TBCEL: variants seen among roughly 807,000 people sequenced by gnomAD.
TBCEL encodes tubulin-specific chaperone cofactor E-like protein.
Under a neutral mutation model 44.2 loss-of-function variants are expected in TBCEL, and 15 were observed. The ratio of observed to expected loss-of-function variants is 0.34; its 90% confidence interval spans 0.23 to 0.52. The LOEUF (loss-of-function observed/expected upper bound fraction) is 0.52. TBCEL is among the 20% of genes least tolerant of loss of function. The pLI is 0.95. For synonymous variants in TBCEL, 171 were observed against 185.4 expected (o/e 0.92, Z 0.63); for missense variants, 319 against 506.3 (o/e 0.63, Z 3.55).
At chr11:121,030,220 A>G (rs1477786264) in intron 1 of TBCEL, among the ~76,000 whole-genome samples, 2 of 152,198 alleles carry the variant, frequency 1.3e-5, no homozygotes, top group Non-Finnish European at 2.9e-5. Context: ...AAGTCTGAGA[A>G]ATAGAAAACC....
At chr11:121,060,123 G>C in intron 8 of TBCEL, 38 bp downstream of exon 8, 1 of 1,449,626 alleles carries the variant, frequency 6.9e-7, no homozygotes, top group Non-Finnish European at 9.7e-7. Context: ...TTTAGAGGGT[G>C]GTGATGCCAG....
At chr11:121,028,455 G>T (rs575502275) in intron 1 of TBCEL, among the ~76,000 whole-genome samples, 1 of 152,306 alleles carries the variant, frequency 6.6e-6, no homozygotes, top group South Asian at 2.1e-4. Flanking sequence ...CAGCAAACTG[G>T]TTTAATTTTA....
In TBCEL at chr11:121,042,058, G is replaced by A. The variant is rs112423465; in HGVS notation, c.-17-3616G>A. Among the ~76,000 whole-genome samples the A allele has an allele frequency of 1.6e-3, 240 of 151,990 alleles. 1 individual carries two copies. Among genetic ancestry groups the A allele is most frequent in the African/African-American group, 4.8e-3 (201 of 41,466 alleles). On this transcript the variant is annotated intron_variant, in intron 2 of 8. Coordinates refer to ENST00000683345, the MANE Select transcript of TBCEL (RefSeq NM_001363644.2). ...AATACGTCTTTCCTACCATCCCTTC[G>A]TTTCTCTGTATTTAAATTGTATATA...
intron 8 of TBCEL, among the ~76,000 whole-genome samples, chr11:121,062,859 A>C (rs1945749640): frequency 6.6e-6 from 1 of 152,178 alleles, no homozygotes; most frequent in Non-Finnish European, 1.5e-5. Flanking sequence ...TGTCATCTCT[A>C]GACACCACAT....
At position 121,025,383 on chromosome 11, in the gene TBCEL, C is replaced by G. The variant is rs528000158; in HGVS notation, c.-126+1092C>G. Among the ~76,000 whole-genome samples, 5 of 151,732 alleles carry G rather than the reference C, an allele frequency of 3.3e-5. No individual in the cohort carries two copies. In the South Asian group the frequency reaches 1.0e-3, roughly 32 times the overall value. ...CCTGAGATGCATTAGACCCAGATCT[C>G]TAGGGTGGTAGCTTTCAAACTTAAA... On this transcript the variant is annotated intron_variant, in intron 1 of 8. Transcript: ENST00000683345.
rs537921463 is a variant in TBCEL, at chr11:121,086,358, A to G, written c.957-420A>G. Reference sequence around the variant, plus strand: ...TTTGTTTATAAGTTATGGCTTCTCCAGGCCTCAGAAACTGCTGGCCTCCTT... The same window carrying G: ...TTTGTTTATAAGTTATGGCTTCTCCGGGCCTCAGAAACTGCTGGCCTCCTT... On this transcript the variant is annotated intron_variant, in intron 8 of 8. Coordinates refer to ENST00000683345, the MANE Select transcript of TBCEL (RefSeq NM_001363644.2). 2.6e-5 allele frequency among the ~76,000 whole-genome samples: 4 copies of G among 152,342 alleles called. No individual in the cohort carries two copies. The East Asian group carries it at 7.7e-4, about 29-fold the overall frequency.
At chr11:121,050,252 T>G (rs1945505719) in intron 4 of TBCEL, among the ~76,000 whole-genome samples, 2 of 151,762 alleles carry the variant, frequency 1.3e-5, no homozygotes, top group Non-Finnish European at 3.0e-5. Flanking sequence ...ATAACCCATA[T>G]ATCTGATTAC....
At chr11:121,069,668 TG>T in intron 8 of TBCEL, among the ~76,000 whole-genome samples, 1 of 152,200 alleles carries the variant, frequency 6.6e-6, no homozygotes, top group Non-Finnish European at 1.5e-5. Flanking sequence ...GGTGCATGCC[TG>T]TAGTCTCAGC....
chr11:121,084,739 A>C (rs1001601242), intron 8 of TBCEL, among the ~76,000 whole-genome samples: 2 of 152,000 alleles, frequency 1.3e-5, no homozygotes, highest in Non-Finnish European at 2.9e-5. Flanking sequence ...TTCAGTTCTT[A>C]TTTGACCACT....
intron 8 of TBCEL, among the ~76,000 whole-genome samples, chr11:121,082,157 C>A (rs1227424634): frequency 6.6e-6 from 1 of 152,200 alleles, no homozygotes; most frequent in Non-Finnish European, 1.5e-5. Context: ...TAAAGCAATG[C>A]CTACTTAGTA....
intron 1 of TBCEL, among the ~76,000 whole-genome samples, chr11:121,031,531 C>A (rs2134879782): frequency 6.6e-6 from 1 of 151,982 alleles, no homozygotes; most frequent in Middle Eastern, 3.4e-3. Context: ...AGGTTGTCTT[C>A]CTCCTTCTTA....
chr11:121,074,891 A>G (rs977952517), intron 8 of TBCEL, among the ~76,000 whole-genome samples: 9 of 151,994 alleles, frequency 5.9e-5, no homozygotes, highest in Admixed American at 5.9e-4. Context: ...TGCAAGAAAG[A>G]ATACAGCAAG....
intron 6 of TBCEL, 150 bp downstream of exon 6, chr11:121,055,458 T>G: frequency 1.3e-6 from 1 of 748,184 alleles, no homozygotes; most frequent in East Asian, 3.0e-5. Context: ...TTGGCTAAAT[T>G]TAAGAGATTC....
chr11:121,084,397 A>G (rs1467846229), intron 8 of TBCEL, among the ~76,000 whole-genome samples: 1 of 151,628 alleles, frequency 6.6e-6, no homozygotes, highest in Admixed American at 6.6e-5. Context: ...TAATTTCTAG[A>G]CTTTTGAGTT....
chr11:121,081,235 A>G (rs1411903976), intron 8 of TBCEL, among the ~76,000 whole-genome samples: 1 of 152,078 alleles, frequency 6.6e-6, no homozygotes, highest in Non-Finnish European at 1.5e-5. Flanking sequence ...GCTGGCCTTT[A>G]TGCTGTTTGT....
intron 8 of TBCEL, among the ~76,000 whole-genome samples, chr11:121,086,490 T>C (rs777662435): frequency 2.0e-5 from 3 of 152,176 alleles, no homozygotes; most frequent in Non-Finnish European, 4.4e-5. Context: ...TCTATTGTCT[T>C]TATAGTGTCT....
At chr11:121,070,705 G>T (rs1245360553) in intron 8 of TBCEL, among the ~76,000 whole-genome samples, 1 of 145,236 alleles carries the variant, frequency 6.9e-6, no homozygotes, top group Non-Finnish European at 1.5e-5. Context: ...GCCTGTTGTG[G>T]GATTCGGGGA....
In TBCEL at chr11:121,089,615, G is replaced by C. The variant is rs1413507702; in HGVS notation, c.*2519G>C. ...TAAAATTGGTGCTGTGTAGACACTT[G>C]TAACCAAAATTATTTTTATAACAGA... On this transcript the variant is annotated 3_prime_UTR_variant, in exon 9 of 9. Coordinates refer to ENST00000683345, the MANE Select transcript of TBCEL (RefSeq NM_001363644.2). 6.6e-6 allele frequency: 1 copy of C among 152,168 alleles called. No individual in the cohort carries two copies. The highest frequency in any genetic ancestry group is 1.5e-5 in the Non-Finnish European group (1 of 68,020). The allele number at this position is 152,168 out of a possible 1,614,324, so 9.4% of individuals were successfully genotyped here.
chr11:121,027,596 G>A (rs1260954568), intron 1 of TBCEL, among the ~76,000 whole-genome samples: 1 of 152,044 alleles, frequency 6.6e-6, no homozygotes, highest in South Asian at 2.1e-4. Context: ...CTCTGCTCAT[G>A]TACCTTCCTT....
Sources: allele counts gnomAD v4.1 joint callset (sites outside exome capture counted in the v4.1 genomes callset), GRCh38; gene constraint gnomAD v4.1.1; transcripts MANE v1.5; gene names NCBI Gene and HGNC (gene_info 2026-07-23, HGNC 2026-07-21).